The following CPNE9 variants were observed in gnomAD, a reference collection of about 807,000 sequenced individuals.
CPNE9 encodes copine family member 9, also known as copine-9.
In CPNE9, 59 loss-of-function variants were observed where a neutral mutation model predicts 83.0. That is an observed-to-expected ratio of 0.71 (90% CI 0.58 to 0.88). The LOEUF (loss-of-function observed/expected upper bound fraction) is 0.88. CPNE9 is among the 40% of genes least tolerant of loss of function. The probability of loss-of-function intolerance (pLI) is 0.00; values close to 1 mark genes in which losing one functional copy is unlikely to be tolerated. For missense variants in CPNE9, 619 were observed against 720.8 expected (o/e 0.86, Z 1.62); for synonymous variants, 256 against 273.4 (o/e 0.94, Z 0.63).
intron 14 of CPNE9, 77 bp from the exon 15 acceptor site, chr3:9,716,981 T>C (rs1316573934): frequency 1.4e-6 from 2 of 1,465,252 alleles, no homozygotes; most frequent in Non-Finnish European, 1.9e-6. Flanking sequence ...GTGATCCATA[T>C]GCACATTACT....
At chr3:9,705,147 C>T in intron 4 of CPNE9, 153 bp downstream of exon 4, 2 of 679,242 alleles carry the variant, frequency 2.9e-6, no homozygotes, top group East Asian at 2.7e-5. Context: ...GAGCCCTGCC[C>T]TTTTATGAGA....
chr3:9,726,585 TAC>T (rs1474070064), intron 18 of CPNE9, 78 bp from the exon 19 acceptor site: 2 of 1,096,850 alleles, frequency 1.8e-6, no homozygotes, highest in Non-Finnish European at 2.8e-6. Flanking sequence ...ATGACACACA[TAC>T]ACAGAGAACT....
chr3:9,724,166 T>C (rs2076756520), intron 17 of CPNE9, among the ~76,000 whole-genome samples: 1 of 149,968 alleles, frequency 6.7e-6, no homozygotes, highest in South Asian at 2.1e-4. Flanking sequence ...GGTCTCCCAC[T>C]ACCTTTGTGC....
At chr3:9,714,636 T>G (rs1339858558) in intron 10 of CPNE9, among the ~76,000 whole-genome samples, 6 of 36,688 alleles carry the variant, frequency 1.6e-4, no homozygotes, top group South Asian at 9.9e-4. Flanking sequence ...AGGCTCAAAG[T>G]GGTAAAAAAA....
chr3:9,705,972 C>T lies in CPNE9; in HGVS notation c.301-15C>T. 6.2e-7 allele frequency: 1 copy of T among 1,612,648 alleles called. No individual in the cohort carries two copies. ...TCAAGAGCTTCTGGTCTTGCTGACT[C>T]CTTGTCCTGCATAGGATTTCCTGGG... On this transcript the variant is annotated splice_polypyrimidine_tract_variant and intron_variant, in intron 6 of 20. Transcript: ENST00000383832.
In CPNE9 at chr3:9,704,466, G is replaced by A; in HGVS notation, c.69-121G>A. ...ACAGAGCGGACCCCGGCTGGGGGTA[G>A]CCATGGGGGACAGAGGTTCGATGCG... On this transcript the variant is annotated intron_variant, in intron 1 of 20. Transcript: ENST00000383832. This position sits in a 1 kb window ranked among gnomAD's most constrained non-coding sequence, Gnocchi z 7.1. The A allele has an allele frequency of 1.2e-6, 1 of 865,372 alleles. No individual in the cohort carries two copies. Among genetic ancestry groups the A allele is most frequent in the Non-Finnish European group, 2.0e-6 (1 of 499,982 alleles). 53.6% of individuals were successfully genotyped at this position (865,372 alleles called of 1,614,324 possible).
At chr3:9,706,202 G>A in intron 7 of CPNE9, 139 bp downstream of exon 7, 1 of 695,140 alleles carries the variant, frequency 1.4e-6, no homozygotes, top group South Asian at 1.8e-5. Flanking sequence ...CACCCTCGTA[G>A]AAAAGTCCAA....
intron 10 of CPNE9, among the ~76,000 whole-genome samples, 183 bp downstream of exon 10, chr3:9,713,262 G>A (rs903444348): frequency 6.6e-6 from 1 of 152,230 alleles, no homozygotes; most frequent in South Asian, 2.1e-4. Context: ...TGGATAGGTG[G>A]ACTATCCAGG....
At chr3:9,705,116 C>A (rs961642781) in intron 4 of CPNE9, 122 bp downstream of exon 4, 2 of 749,366 alleles carry the variant, frequency 2.7e-6, no homozygotes, top group Non-Finnish European at 4.7e-6. Context: ...CCCTCCCATT[C>A]TGAATGGCCC....
intron 10 of CPNE9, among the ~76,000 whole-genome samples, chr3:9,713,758 A>C (rs1276890338): frequency 6.6e-6 from 1 of 152,122 alleles, no homozygotes. Context: ...CAAATGAATG[A>C]GTAAATGGGT....
At chr3:9,708,148 C>A (rs963630527) in intron 7 of CPNE9, among the ~76,000 whole-genome samples, 5 of 152,188 alleles carry the variant, frequency 3.3e-5, no homozygotes, top group Non-Finnish European at 2.9e-5. Context: ...CAGGGGGCCT[C>A]ATTGTGTTTT....
At chr3:9,723,740 C>T (rs1398448179) in intron 17 of CPNE9, among the ~76,000 whole-genome samples, 1 of 152,062 alleles carries the variant, frequency 6.6e-6, no homozygotes, top group Non-Finnish European at 1.5e-5. Context: ...GACCAGGTCT[C>T]ACTATGTTGC....
At chr3:9,705,419 T>TCCCCCCCCCCCCCCCCCCC in intron 4 of CPNE9, 45 bp from the exon 5 acceptor site, 9 of 662,502 alleles carry the variant, frequency 1.4e-5, no homozygotes, top group Middle Eastern at 3.2e-4. Context: ...TTCCACCCTC[T>TCCCCCCCCCCCCCCCCCCC]CCCCCACCCA....
intron 7 of CPNE9, among the ~76,000 whole-genome samples, chr3:9,709,275 C>CAA (rs551334173): frequency 7.0e-5 from 4 of 56,820 alleles, no homozygotes; most frequent in East Asian, 4.9e-4. Context: ...GACTCCATCT[C>CAA]AAAAAAAAAA....
chr3:9,716,752 G>A (rs775751635), intron 14 of CPNE9, among the ~76,000 whole-genome samples: 5 of 152,240 alleles, frequency 3.3e-5, no homozygotes, highest in African/African-American at 4.8e-5. Flanking sequence ...TTACAGGCGT[G>A]AGCCACGGCG....
At chr3:9,726,754 T>A in intron 19 of CPNE9, 32 bp downstream of exon 19, 1 of 1,598,730 alleles carries the variant, frequency 6.3e-7, no homozygotes. Flanking sequence ...TGAGTGGGAC[T>A]AAGAACTAAG....
Position 9,712,054 on chromosome 3 carries a change from T to C in CPNE9, c.378-487T>C, listed in dbSNP as rs12487612. On this transcript the variant is annotated intron_variant, in intron 7 of 20. Transcript: ENST00000383832. ...GAGCCGGAGAGAGCCAGTTGCCCAA[T>C]TCATATCTATCACAGCACCCAGCAT... 2.3e-3 allele frequency among the ~76,000 whole-genome samples: 349 copies of C among 152,212 alleles called. 7 individuals are homozygous for C. Among genetic ancestry groups the C allele is most frequent in the Admixed American group, 0.02 (313 of 15,274 alleles).
In CPNE9 at chr3:9,726,656, C is replaced by T; in HGVS notation, c.1345-9C>T. 3 of 1,612,666 alleles carry T rather than the reference C, an allele frequency of 1.9e-6. No homozygotes were observed. Among genetic ancestry groups the T allele is most frequent in the Non-Finnish European group, 2.5e-6 (3 of 1,178,752 alleles). On this transcript the variant is annotated splice_polypyrimidine_tract_variant and intron_variant, in intron 18 of 20. Transcript: ENST00000383832. ...CTTGCCCCAACAGTTCACCCTCTTTCCCCTACAGGCCTCCTCATTGCCCAT... is the reference window on the plus strand; with the variant it reads ...CTTGCCCCAACAGTTCACCCTCTTTTCCCTACAGGCCTCCTCATTGCCCAT...
rs1361560536 is a variant in CPNE9 at position 9,714,725 on chromosome 3, G to A, written c.651-189G>A. On this transcript the variant is annotated intron_variant, in intron 10 of 20. Coordinates refer to ENST00000383832, the MANE Select transcript of CPNE9 (RefSeq NM_153635.3). ...TACTAACCAGAGTAGTATTAATAGG[G>A]GTAGGTGGTTGGGTACAGGCACAGA... 2.0e-5 allele frequency among the ~76,000 whole-genome samples: 3 copies of A among 151,654 alleles called. No individual in the cohort carries two copies. In the East Asian group the frequency reaches 5.8e-4, roughly 29 times the overall value.
Sources: allele counts gnomAD v4.1 joint callset (sites outside exome capture counted in the v4.1 genomes callset), GRCh38; gene constraint gnomAD v4.1.1; non-coding constraint Gnocchi (gnomAD v3.1); transcripts MANE v1.5; gene names NCBI Gene and HGNC (gene_info 2026-07-23, HGNC 2026-07-21).